JAZF1: variants seen among roughly 807,000 people sequenced by gnomAD.
The protein encoded by JAZF1 is juxtaposed with another zinc finger protein 1.
Under a neutral mutation model 26.4 loss-of-function variants are expected in JAZF1, and 8 were observed. The ratio of observed to expected loss-of-function variants is 0.30; its 90% CI spans 0.18 to 0.55. JAZF1 has a LOEUF of 0.55. Among genes scored for constraint, JAZF1 ranks in the 20% least tolerant of loss-of-function variants. JAZF1 has a pLI of 0.94. For missense variants in JAZF1, 199 were observed against 322.0 expected, an observed-to-expected ratio of 0.62 and a Z score of 2.92; for synonymous variants, 126 against 122.3, an observed-to-expected ratio of 1.03 and a Z score of -0.20.
chr7:28,100,007 T>C (rs540864682), intron 1 of JAZF1, among the ~76,000 whole-genome samples: 2 of 152,302 alleles, frequency 1.3e-5, no homozygotes, highest in South Asian at 4.1e-4. Context: ...TGATTATATA[T>C]ACCCAAGTAC....
At chr7:28,070,590 T>C (rs1783960866) in intron 1 of JAZF1, among the ~76,000 whole-genome samples, 1 of 152,208 alleles carries the variant, frequency 6.6e-6, no homozygotes, top group Admixed American at 6.5e-5. Flanking sequence ...AGGCTGTCAG[T>C]GGCAGCTGGT....
At chr7:28,126,477 C>T (rs931761927) in intron 1 of JAZF1, among the ~76,000 whole-genome samples, 5 of 150,670 alleles carry the variant, frequency 3.3e-5, no homozygotes, top group Non-Finnish European at 7.4e-5. Flanking sequence ...AGGGAGGATA[C>T]CTTCTGCACA....
intron 3 of JAZF1, among the ~76,000 whole-genome samples, chr7:27,863,495 C>T (rs936444639): frequency 2.0e-5 from 3 of 152,206 alleles, no homozygotes; most frequent in Non-Finnish European, 4.4e-5. Context: ...CGAGGGAGCC[C>T]GTCCTTGCCC....
chr7:27,843,411 G>A (rs1782960185), intron 3 of JAZF1: 1 of 152,248 alleles, frequency 6.6e-6, no homozygotes, highest in African/African-American at 2.4e-5. Flanking sequence ...ATCAGAATGA[G>A]TGTGTATAGA....
At chr7:28,024,820 G>A (rs1463300946) in intron 1 of JAZF1, among the ~76,000 whole-genome samples, 1 of 152,204 alleles carries the variant, frequency 6.6e-6, no homozygotes, top group Admixed American at 6.5e-5. Context: ...TTTCCTTCAA[G>A]GAGTTTATAA....
At chr7:28,090,820 T>TG (rs1309202099) in intron 1 of JAZF1, among the ~76,000 whole-genome samples, 1 of 144,102 alleles carries the variant, frequency 6.9e-6, no homozygotes, top group Non-Finnish European at 1.5e-5. Flanking sequence ...TTTAGTTGTT[T>TG]TTTTTTTTTT....
intron 1 of JAZF1, among the ~76,000 whole-genome samples, chr7:28,107,949 G>A (rs1025768117): frequency 2.6e-5 from 4 of 152,130 alleles, no homozygotes; most frequent in African/African-American, 7.2e-5. Context: ...ACCCAGGCAC[G>A]CCTCACTTCC....
intron 2 of JAZF1, among the ~76,000 whole-genome samples, chr7:27,988,374 A>G (rs1785780001): frequency 6.7e-6 from 1 of 149,276 alleles, no homozygotes; most frequent in Non-Finnish European, 1.5e-5. Flanking sequence ...TTAAATTGTA[A>G]ATTTTTTTTT....
intron 1 of JAZF1, among the ~76,000 whole-genome samples, chr7:28,101,148 G>A (rs926586222): frequency 5.3e-5 from 8 of 152,120 alleles, no homozygotes; most frequent in African/African-American, 1.9e-4. Flanking sequence ...AGAGGCATTG[G>A]AAATACAGGT....
intron 1 of JAZF1, among the ~76,000 whole-genome samples, chr7:28,147,747 T>G (rs1000033653): frequency 1.3e-5 from 2 of 149,648 alleles, no homozygotes; most frequent in Non-Finnish European, 3.0e-5. Context: ...CCAGGTGTGT[T>G]GACACATACC....
chr7:27,840,419 A>C lies in JAZF1; in HGVS notation c.555+279T>G, dbSNP rs1207200138. On this transcript the variant is annotated intron_variant, in intron 4 of 4. Coordinates refer to ENST00000283928, the MANE Select transcript of JAZF1 (RefSeq NM_175061.4). This position sits in a 1 kb window ranked among gnomAD's most constrained non-coding sequence, Gnocchi z 5.1. The stretch of plus-strand genomic sequence containing the variant: ...CCAATATGACATGAATTTGAAGACT[A>C]TCAAAGACATGATCCTCCTACAAAA... 6.6e-6 allele frequency among the ~76,000 whole-genome samples: 1 copy of C among 152,234 alleles called. No homozygotes were observed. The highest frequency in any genetic ancestry group is 1.5e-5 in the Non-Finnish European group (1 of 68,048).
At chr7:28,130,556 C>T (rs1427395253) in intron 1 of JAZF1, among the ~76,000 whole-genome samples, 1 of 152,176 alleles carries the variant, frequency 6.6e-6, no homozygotes, top group African/African-American at 2.4e-5. Context: ...AAAGCTTCAA[C>T]ACAGTAGTCA....
At chr7:28,124,644 G>A (rs1009306438) in intron 1 of JAZF1, among the ~76,000 whole-genome samples, 2 of 152,206 alleles carry the variant, frequency 1.3e-5, no homozygotes, top group Non-Finnish European at 2.9e-5. Flanking sequence ...CCAAAGTGGA[G>A]TATAAAATAT....
chr7:28,078,366 GA>G (rs1242708040), intron 1 of JAZF1, among the ~76,000 whole-genome samples: 1 of 152,228 alleles, frequency 6.6e-6, no homozygotes, highest in Admixed American at 6.5e-5. Context: ...GAGAACTGCT[GA>G]GACCATCATA....
chr7:28,136,315 C>A (rs1782885527), intron 1 of JAZF1, among the ~76,000 whole-genome samples: 1 of 152,196 alleles, frequency 6.6e-6, no homozygotes, highest in Admixed American at 6.5e-5. Context: ...GATTCCAAAC[C>A]AGTTTTTCTA....
At chr7:28,057,257 ATAAAAAATGCTTT>A (rs1203203450) in intron 1 of JAZF1, among the ~76,000 whole-genome samples, 13 of 152,230 alleles carry the variant, frequency 8.5e-5, no homozygotes, top group African/African-American at 3.1e-4. Flanking sequence ...GTAAAAGCAC[ATAAAAAATGCTTT>A]TATGACCTTA....
Position 27,895,408 on chromosome 7 carries a change from G to A in JAZF1, c.197C>T (p.Thr66Ile). Residue 66 changes from threonine to isoleucine, a missense_variant, in exon 3 of 5, where the codon ACA becomes ATA. Thr to Ile is a moderately conservative substitution (Grantham distance 89). Around this residue, in one of 2 missense-constraint regions of JAZF1, gnomAD observed 137 missense variants for 184.8 expected, o/e 0.74. Coordinates refer to ENST00000283928, the MANE Select transcript of JAZF1 (RefSeq NM_175061.4). ...VALSYINRFM[T>I]DAARREQESL... is the part of the protein sequence containing the mutation. Reference sequence around the variant, plus strand: ...CTCCTGCTCTCGGCGGGCAGCATCTGTCATGAATCTGAAACAATAATGGAA... The same window carrying A: ...CTCCTGCTCTCGGCGGGCAGCATCTATCATGAATCTGAAACAATAATGGAA... 1 of 1,597,234 alleles carries A rather than the reference G, an allele frequency of 6.3e-7. No homozygotes were observed. Among genetic ancestry groups the A allele is most frequent in the Non-Finnish European group, 8.5e-7 (1 of 1,171,690 alleles).
intron 1 of JAZF1, among the ~76,000 whole-genome samples, chr7:28,041,534 G>A (rs1783390627): frequency 6.6e-6 from 1 of 152,158 alleles, no homozygotes; most frequent in Admixed American, 6.6e-5. Context: ...AGAAGCCAGT[G>A]AGATATCACC....
chr7:27,831,789 TC>T lies in JAZF1; in HGVS notation c.*1010del. On this transcript the variant is annotated 3_prime_UTR_variant, in exon 5 of 5. Transcript: ENST00000283928. ...TTTGAAACGTGCTTAGAATTTTAGT[TC>T]TGATTTGCAACCCACAGGTTTGGTA... 4.5e-6 allele frequency: 1 copy of T among 221,936 alleles called. No homozygotes were observed. Among genetic ancestry groups the T allele is most frequent in the Non-Finnish European group, 9.0e-6 (1 of 110,812 alleles). 13.7% of individuals were successfully genotyped at this position (221,936 alleles called of 1,614,324 possible). A position where few individuals can be genotyped will look rare whatever the true frequency, so the allele number is the denominator to read the frequency against.
Sources: allele counts gnomAD v4.1 joint callset (sites outside exome capture counted in the v4.1 genomes callset), GRCh38; gene constraint gnomAD v4.1.1; regional missense constraint gnomAD v4.1.1; non-coding constraint Gnocchi (gnomAD v3.1); transcripts MANE v1.5; gene names NCBI Gene and HGNC (gene_info 2026-07-23, HGNC 2026-07-21).